The following AHRR variants were observed in gnomAD, a reference collection of about 807,000 sequenced individuals.
AHRR encodes ahR repressor.
A neutral mutation model predicts 44.0 loss-of-function variants in AHRR; 28 were observed. That is an observed-to-expected ratio of 0.64 (90% CI 0.47 to 0.87). The LOEUF (loss-of-function observed/expected upper bound fraction) is 0.87, where lower values mean the gene tolerates loss of function less well. Ranked by LOEUF, AHRR falls within the 40% of genes least tolerant of loss-of-function variation. The pLI, the probability that AHRR is intolerant of heterozygous loss-of-function variation, is 0.00. For missense variants in AHRR, 990 were observed against 953.9 expected, an observed-to-expected ratio of 1.04 and a Z score of -0.50; for synonymous variants, 434 against 407.0, an observed-to-expected ratio of 1.07 and a Z score of -0.80.
In AHRR at chr5:423,902, C is replaced by T. The variant is rs773319024; in HGVS notation, c.633C>T (p.Thr211=). Residue 211 remains threonine, a synonymous_variant, in exon 7 of 11, where the codon ACC becomes ACT. Transcript: ENST00000684583. ...AGGAGTGGGGCACAGGCACGCCCACCGAGTACTCGGCCTTCCTGACCCGCT... is the reference window on the plus strand; with the variant it reads ...AGGAGTGGGGCACAGGCACGCCCACTGAGTACTCGGCCTTCCTGACCCGCT... The part of the protein sequence containing the change: ...RAQEWGTGTP[T]EYSAFLTRCF... 1.6e-5 allele frequency: 26 copies of T among 1,604,410 alleles called. No individual in the cohort carries two copies. Among genetic ancestry groups the T allele is most frequent in the Middle Eastern group, 3.3e-4 (2 of 6,052 alleles).
intron 3 of AHRR, among the ~76,000 whole-genome samples, chr5:369,194 T>C (rs1313683317): frequency 2.6e-5 from 4 of 152,204 alleles, no homozygotes; most frequent in African/African-American, 9.6e-5. Context: ...GCACCTCGAA[T>C]GCATTCCCTC....
In AHRR at chr5:343,771, G is replaced by A. The variant is rs1480377182; in HGVS notation, c.-10-122G>A. ...GGTCCCACGAGGAGGAGCAGGAGGTGGGGGCCTCGCGGGGTCGCGGGTGTG... is the reference window on the plus strand; with the variant it reads ...GGTCCCACGAGGAGGAGCAGGAGGTAGGGGCCTCGCGGGGTCGCGGGTGTG... On this transcript the variant is annotated intron_variant, in intron 1 of 10. Transcript: ENST00000684583. The A allele has an allele frequency of 6.3e-6, 6 of 959,028 alleles. No individual in the cohort carries two copies. In the Admixed American group the frequency reaches 1.5e-4, roughly 25 times the overall value. 59.4% of individuals were successfully genotyped at this position (959,028 alleles called of 1,614,324 possible).
chr5:394,184 C>T (rs1383449070), intron 4 of AHRR, among the ~76,000 whole-genome samples: 1 of 152,244 alleles, frequency 6.6e-6, no homozygotes, highest in Non-Finnish European at 1.5e-5. Flanking sequence ...TACAAGGAGC[C>T]TCCAGGCTGC....
intron 3 of AHRR, among the ~76,000 whole-genome samples, chr5:373,916 T>G (rs1481716854): frequency 6.7e-6 from 1 of 150,032 alleles, no homozygotes; most frequent in African/African-American, 2.5e-5. Flanking sequence ...CGCCGGCGGC[T>G]GCGGGGGAAG....
At chr5:340,688 ATTTTTTTTTTTTTTTTTT>A in intron 1 of AHRR, among the ~76,000 whole-genome samples, 1 of 12,916 alleles carries the variant, frequency 7.7e-5, no homozygotes, top group African/African-American at 4.0e-4. Flanking sequence ...ATATATATAT[ATTTTTTTTTTTTTTTTTT>A]TTTTTTTGAG....
rs1450169284 is a variant in AHRR at position 388,212 on chromosome 5, CAG to C, written c.351+11497_351+11498del. Among the ~76,000 whole-genome samples, 6 of 152,180 alleles carry C rather than the reference CAG, an allele frequency of 3.9e-5. No homozygotes were observed. Among genetic ancestry groups the C allele is most frequent in the Non-Finnish European group, 8.8e-5 (6 of 68,016 alleles). On this transcript the variant is annotated intron_variant, in intron 4 of 10. Transcript: ENST00000684583. The surrounding 1 kb of genome is among the most constrained non-coding windows in gnomAD (Gnocchi z 5.2). Reference sequence around the variant, plus strand: ...TACCTCACAGCTCTATCGTACCAGACAGGGGAAAGCTCAGGTTGGAAGAGCTC... The same window carrying C: ...TACCTCACAGCTCTATCGTACCAGACGGGAAAGCTCAGGTTGGAAGAGCTC...
chr5:328,917 T>A (rs776979955), intron 1 of AHRR, among the ~76,000 whole-genome samples: 30 of 152,236 alleles, frequency 2.0e-4, no homozygotes, highest in Non-Finnish European at 3.5e-4. Context: ...TAGTCTGTGG[T>A]GTAATTTGAA....
intron 8 of AHRR, among the ~76,000 whole-genome samples, chr5:428,995 C>G (rs1736596273): frequency 6.6e-6 from 1 of 152,244 alleles, no homozygotes; most frequent in Non-Finnish European, 1.5e-5. Flanking sequence ...CAGGGCCCAC[C>G]TCCTGCCATG....
chr5:415,409 G>C (rs2721001), intron 5 of AHRR, among the ~76,000 whole-genome samples: 6,662 of 62,078 alleles, frequency 0.11, 59 homozygotes, highest in Non-Finnish European at 0.15. Flanking sequence ...GCCTGGTCGG[G>C]TGGGAGGCCT....
chr5:382,782 G>A (rs150912884), intron 4 of AHRR, among the ~76,000 whole-genome samples: 192 of 128,804 alleles, frequency 1.5e-3, no homozygotes, highest in African/African-American at 6.5e-3. Flanking sequence ...CTTCTTGTTT[G>A]TAATTTATTT....
At position 388,502 on chromosome 5, in the gene AHRR, C is replaced by T. The variant is rs1345769449; in HGVS notation, c.351+11786C>T. Among the ~76,000 whole-genome samples, 1 of 152,168 alleles carries T rather than the reference C, an allele frequency of 6.6e-6. No homozygotes were observed. The highest frequency in any genetic ancestry group is 1.9e-4 in the East Asian group (1 of 5,170). ...GGGGTCCCCACTGCTGCTTTTCTCC[C>T]AGGGGGAGCCTGGAGGAGTGGGGTT... On this transcript the variant is annotated intron_variant, in intron 4 of 10. Transcript: ENST00000684583. The surrounding 1 kb of genome is among the most constrained non-coding windows in gnomAD (Gnocchi z 5.2).
chr5:340,688 A>ATTTTTTTTTTT (rs539789608), intron 1 of AHRR, among the ~76,000 whole-genome samples: 2 of 12,928 alleles, frequency 1.5e-4, no homozygotes, highest in Non-Finnish European at 2.5e-4. Context: ...ATATATATAT[A>ATTTTTTTTTTT]TTTTTTTTTT....
chr5:371,533 G>C (rs1182601508), intron 3 of AHRR, among the ~76,000 whole-genome samples: 2 of 152,212 alleles, frequency 1.3e-5, no homozygotes, highest in African/African-American at 4.8e-5. Context: ...TGCAGCAGGG[G>C]CTGGCAGGCT....
chr5:415,568 T>G (rs1280179568), intron 5 of AHRR, among the ~76,000 whole-genome samples: 1 of 147,660 alleles, frequency 6.8e-6, no homozygotes, highest in African/African-American at 2.6e-5. Flanking sequence ...GGGCCGAATC[T>G]GCCTGGTCTG....
intron 4 of AHRR, among the ~76,000 whole-genome samples, chr5:392,717 G>A (rs993095131): frequency 6.6e-6 from 1 of 152,190 alleles, no homozygotes; most frequent in Non-Finnish European, 1.5e-5. Flanking sequence ...AGTTTCGGTG[G>A]AGGCTTGCAT....
intron 4 of AHRR, among the ~76,000 whole-genome samples, chr5:380,262 T>G (rs1733927653): frequency 6.6e-6 from 1 of 152,240 alleles, no homozygotes. Context: ...TATCAAATAA[T>G]GTGAATCTTT....
intron 1 of AHRR, 181 bp from the exon 2 acceptor site, chr5:343,712 C>A: frequency 1.7e-6 from 1 of 580,876 alleles, no homozygotes; most frequent in Non-Finnish European, 2.9e-6. Flanking sequence ...CTCCTCGGTG[C>A]GGGGTGCTGG....
At chr5:329,975 C>A (rs535429477) in intron 1 of AHRR, among the ~76,000 whole-genome samples, 1 of 152,244 alleles carries the variant, frequency 6.6e-6, no homozygotes, top group Admixed American at 6.5e-5. Context: ...CCTGCCTGAT[C>A]GCTCTGGATA....
At chr5:328,533 G>C (rs1211483097) in intron 1 of AHRR, among the ~76,000 whole-genome samples, 1 of 152,096 alleles carries the variant, frequency 6.6e-6, no homozygotes. Context: ...TTACAGGCAT[G>C]AGCCACTGCA....
Sources: allele counts gnomAD v4.1 joint callset (sites outside exome capture counted in the v4.1 genomes callset), GRCh38; gene constraint gnomAD v4.1.1; non-coding constraint Gnocchi (gnomAD v3.1); transcripts MANE v1.5; gene names NCBI Gene and HGNC (gene_info 2026-07-23, HGNC 2026-07-21).